The following BRINP3 variants were observed in gnomAD, a reference collection of about 807,000 sequenced individuals.
BRINP3 encodes BMP/retinoic acid inducible neural specific 3.
A neutral mutation model predicts 71.0 loss-of-function variants in BRINP3; 19 were observed. That is an observed-to-expected ratio of 0.27 (90% confidence interval 0.19 to 0.39). The LOEUF is 0.39. Ranked by LOEUF, BRINP3 falls within the 10% of genes least tolerant of loss-of-function variation. The pLI, the probability that BRINP3 is intolerant of heterozygous loss-of-function variation, is 1.00. For missense variants in BRINP3, 959 were observed against 940.8 expected, an observed-to-expected ratio of 1.02 and a Z score of -0.25; for synonymous variants, 380 against 337.7, an observed-to-expected ratio of 1.13 and a Z score of -1.37.
intron 7 of BRINP3, among the ~76,000 whole-genome samples, chr1:190,158,866 G>A (rs537127100): frequency 1.3e-5 from 2 of 148,932 alleles, no homozygotes; most frequent in African/African-American, 4.9e-5. Flanking sequence ...CCACAGGGAG[G>A]GGGAGAGAGA....
chr1:190,203,753 ATATATATATATATATATAT>A (rs1558061812), intron 6 of BRINP3, among the ~76,000 whole-genome samples: 504 of 5,352 alleles, frequency 0.094, 15 homozygotes, highest in Non-Finnish European at 0.12. Flanking sequence ...TAAAGAAAAT[ATATATATATATATATATAT>A]ATATATATAT....
At chr1:190,169,758 C>G (rs980385839) in intron 6 of BRINP3, among the ~76,000 whole-genome samples, 1 of 152,086 alleles carries the variant, frequency 6.6e-6, no homozygotes, top group African/African-American at 2.4e-5. Flanking sequence ...TATATAATTA[C>G]TATGAAAACA....
At chr1:190,235,615 T>A (rs1420118684) in intron 4 of BRINP3, among the ~76,000 whole-genome samples, 2 of 151,996 alleles carry the variant, frequency 1.3e-5, no homozygotes, top group Non-Finnish European at 2.9e-5. Context: ...TCTGTCTTGC[T>A]GTATCTCAAA....
intron 2 of BRINP3, among the ~76,000 whole-genome samples, chr1:190,395,315 A>G (rs1671498932): frequency 6.6e-6 from 1 of 151,720 alleles, no homozygotes; most frequent in Non-Finnish European, 1.5e-5. Flanking sequence ...TTCATGCATT[A>G]TGTGTTGAAA....
intron 2 of BRINP3, among the ~76,000 whole-genome samples, chr1:190,360,946 A>T (rs1181873952): frequency 6.6e-6 from 1 of 152,184 alleles, no homozygotes; most frequent in Non-Finnish European, 1.5e-5. Flanking sequence ...ACTCTGGAAG[A>T]GTAGTCAGGG....
chr1:190,321,722 G>A (rs1156278232), intron 2 of BRINP3, among the ~76,000 whole-genome samples: 6 of 151,886 alleles, frequency 4.0e-5, no homozygotes, highest in Admixed American at 1.3e-4. Flanking sequence ...GCAAAGAATC[G>A]CCTCAATGTA....
intron 4 of BRINP3, among the ~76,000 whole-genome samples, chr1:190,238,394 A>C (rs1017335083): frequency 6.6e-6 from 1 of 152,096 alleles, no homozygotes; most frequent in Non-Finnish European, 1.5e-5. Context: ...TGATTAACAT[A>C]GTTGCAATTC....
At chr1:190,352,697 A>G in intron 2 of BRINP3, among the ~76,000 whole-genome samples, 1 of 151,982 alleles carries the variant, frequency 6.6e-6, no homozygotes, top group East Asian at 1.9e-4. Context: ...CACTTAACAT[A>G]TTATTATTTT....
intron 7 of BRINP3, among the ~76,000 whole-genome samples, chr1:190,134,463 A>G (rs1371359786): frequency 6.6e-6 from 1 of 150,492 alleles, no homozygotes; most frequent in Non-Finnish European, 1.5e-5. Flanking sequence ...CAAAATAAAC[A>G]TCATAACTGC....
intron 6 of BRINP3, among the ~76,000 whole-genome samples, chr1:190,196,693 A>T (rs939503129): frequency 1.3e-5 from 2 of 151,892 alleles, no homozygotes; most frequent in Non-Finnish European, 2.9e-5. Context: ...GAATATATGT[A>T]ACTCTTAAGA....
chr1:190,179,926 CT>C (rs1652880948), intron 6 of BRINP3, among the ~76,000 whole-genome samples: 2 of 152,200 alleles, frequency 1.3e-5, no homozygotes, highest in South Asian at 4.1e-4. Flanking sequence ...ACATAGTTTC[CT>C]TTTCTGTAAA....
chr1:190,445,595 A>C (rs201508662), intron 2 of BRINP3, among the ~76,000 whole-genome samples: 198 of 149,472 alleles, frequency 1.3e-3, no homozygotes, highest in East Asian at 7.8e-3. Flanking sequence ...ACACACACAC[A>C]CCCTCAAGAA....
At chr1:190,394,049 T>C (rs989470598) in intron 2 of BRINP3, among the ~76,000 whole-genome samples, 21 of 151,656 alleles carry the variant, frequency 1.4e-4, no homozygotes, top group Non-Finnish European at 5.9e-5. Context: ...AAATATATAA[T>C]GTCAACTATA....
chr1:190,199,805 A>C (rs1022607987), intron 6 of BRINP3, among the ~76,000 whole-genome samples: 37 of 151,890 alleles, frequency 2.4e-4, no homozygotes, highest in African/African-American at 6.0e-4. Context: ...AACAAACAAA[A>C]AAAAAACCTA....
At chr1:190,207,989 T>A (rs1274292258) in intron 6 of BRINP3, among the ~76,000 whole-genome samples, 1 of 152,062 alleles carries the variant, frequency 6.6e-6, no homozygotes, top group Non-Finnish European at 1.5e-5. Flanking sequence ...TGAGACAGGG[T>A]CTCGCTGTGT....
chr1:190,206,524 C>T (rs1355918789), intron 6 of BRINP3, among the ~76,000 whole-genome samples: 1 of 152,098 alleles, frequency 6.6e-6, no homozygotes, highest in African/African-American at 2.4e-5. Flanking sequence ...GGGACTCTTA[C>T]TAAGAGCAGT....
chr1:190,122,460 G>A (rs1409460686), intron 7 of BRINP3, among the ~76,000 whole-genome samples: 4 of 151,836 alleles, frequency 2.6e-5, no homozygotes, highest in Admixed American at 2.6e-4. Flanking sequence ...GAAACATAGA[G>A]GGAAGAAAGC....
Position 190,226,077 on chromosome 1 carries a change from C to T in BRINP3, c.961+5G>A. ...AAAAGTGTTATATTAAAATACATGT[C>T]TTACCTGATTCCTCAAAGTCACTGT... On this transcript the variant is annotated splice_donor_5th_base_variant and intron_variant, in intron 6 of 7. Coordinates refer to ENST00000367462, the MANE Select transcript of BRINP3 (RefSeq NM_199051.3). 1.9e-6 allele frequency: 3 copies of T among 1,555,612 alleles called. No homozygotes were observed. Among genetic ancestry groups the T allele is most frequent in the Non-Finnish European group, 2.6e-6 (3 of 1,141,800 alleles).
chr1:190,401,803 T>C (rs954347461), intron 2 of BRINP3, among the ~76,000 whole-genome samples: 35 of 152,168 alleles, frequency 2.3e-4, no homozygotes, highest in African/African-American at 7.0e-4. Flanking sequence ...TGTCCAATAA[T>C]GTTATTTTTA....
Sources: allele counts gnomAD v4.1 joint callset (sites outside exome capture counted in the v4.1 genomes callset), GRCh38; gene constraint gnomAD v4.1.1; transcripts MANE v1.5; gene names NCBI Gene and HGNC (gene_info 2026-07-23, HGNC 2026-07-21).